Variants in ACSL6 observed in about 807,000 individuals in gnomAD.
ACSL6 encodes the protein long-chain-fatty-acid--CoA ligase 6.
A neutral mutation model predicts 98.2 loss-of-function variants in ACSL6; 47 were observed. The ratio of observed to expected loss-of-function variants is 0.48; its 90% confidence interval spans 0.38 to 0.61. ACSL6 has a LOEUF of 0.61. Ranked by LOEUF, ACSL6 falls within the 20% of genes least tolerant of loss-of-function variation. ACSL6 has a pLI of 0.00. For synonymous variants in ACSL6, 362 were observed against 336.9 expected (o/e 1.07, Z -0.82); for missense variants, 761 against 913.4 (o/e 0.83, Z 2.15).
chr5:131,991,229 C>A (rs554458542), intron 2 of ACSL6, among the ~76,000 whole-genome samples: 151 of 152,320 alleles, frequency 9.9e-4, no homozygotes, highest in African/African-American at 3.6e-3. Context: ...AAACTCCACA[C>A]ACACATACAG....
intron 15 of ACSL6, among the ~76,000 whole-genome samples, chr5:131,968,538 C>T (rs1379617562): frequency 6.6e-6 from 1 of 152,188 alleles, no homozygotes; most frequent in East Asian, 1.9e-4. Context: ...TGAGATTCGA[C>T]ATTTCTTACA....
intron 8 of ACSL6, among the ~76,000 whole-genome samples, chr5:131,986,454 A>C (rs1754181563): frequency 6.6e-6 from 1 of 152,268 alleles, no homozygotes; most frequent in African/African-American, 2.4e-5. Flanking sequence ...AGCAGATGCC[A>C]CAAGGCCATT....
chr5:131,997,579 T>C (rs771325582), intron 1 of ACSL6, among the ~76,000 whole-genome samples: 9 of 152,186 alleles, frequency 5.9e-5, no homozygotes, highest in Non-Finnish European at 1.2e-4. Context: ...GGGCCAGTCA[T>C]TTGCTATCTT....
At chr5:132,006,347 T>TACACAAAG (rs781569650) in intron 1 of ACSL6, 6 of 152,168 alleles carry the variant, frequency 3.9e-5, no homozygotes, top group Non-Finnish European at 8.8e-5. Flanking sequence ...AATTAGGAGC[T>TACACAAAG]ACACAAAGGA....
intron 1 of ACSL6, among the ~76,000 whole-genome samples, chr5:132,010,037 T>A (rs1755625704): frequency 6.6e-6 from 1 of 152,142 alleles, no homozygotes; most frequent in South Asian, 2.1e-4. Context: ...ACGACCACCA[T>A]CACCATTATT....
At chr5:132,004,554 A>G (rs1297493768) in intron 1 of ACSL6, among the ~76,000 whole-genome samples, 1 of 152,204 alleles carries the variant, frequency 6.6e-6, no homozygotes, top group African/African-American at 2.4e-5. Context: ...CGTTTGGGCC[A>G]CACAGTATCT....
chr5:131,974,251 A>G (rs1753485758), intron 11 of ACSL6, among the ~76,000 whole-genome samples: 1 of 152,156 alleles, frequency 6.6e-6, no homozygotes, highest in Admixed American at 6.5e-5. Flanking sequence ...CCATAATCAC[A>G]TATGGATTCC....
intron 1 of ACSL6, among the ~76,000 whole-genome samples, chr5:131,995,377 G>A (rs1421183603): frequency 6.6e-6 from 1 of 152,174 alleles, no homozygotes; most frequent in Non-Finnish European, 1.5e-5. Flanking sequence ...CAGGTGATGG[G>A]TGCTGGCATC....
intron 3 of ACSL6, 46 bp downstream of exon 3, chr5:131,990,807 C>T (rs1754461215): frequency 6.4e-7 from 1 of 1,560,428 alleles, no homozygotes; most frequent in African/African-American, 1.5e-5. Flanking sequence ...CCCACTCCAC[C>T]CCTGCCACAC....
rs1317593983 is a variant in ACSL6 at position 131,952,523 on chromosome 5, G to C, written c.*1711C>G. On this transcript the variant is annotated 3_prime_UTR_variant, in exon 21 of 21. Transcript: ENST00000651883. Reference sequence around the variant, plus strand: ...AAGGAGCTTCTAGACTACAAACACTGAGCACATACATTTTAAATTAACACA... The same window carrying C: ...AAGGAGCTTCTAGACTACAAACACTCAGCACATACATTTTAAATTAACACA... The C allele has an allele frequency of 4.6e-6, 1 of 215,890 alleles. No homozygotes were observed. Among genetic ancestry groups the C allele is most frequent in the Non-Finnish European group, 9.3e-6 (1 of 107,272 alleles). 13.4% of individuals were successfully genotyped at this position (215,890 alleles called of 1,614,324 possible).
Position 131,988,806 on chromosome 5 carries a change from T to G in ACSL6, c.651A>C (p.Thr217=). 6.2e-7 allele frequency: 1 copy of G among 1,613,562 alleles called. No homozygotes were observed. The highest frequency in any genetic ancestry group is 8.5e-7 in the Non-Finnish European group (1 of 1,179,800). ...AGGGTGGGGTGGCAGTGGGCTTACC[T>G]GTATTGATGATGTAGCGGATAGCCC... ...GPGAIRYIIN[T]ADISTVIVDK... The change falls in exon 6 of 21, where the codon ACA becomes ACC. Residue 217 remains threonine, a splice_region_variant and synonymous_variant. Transcript: ENST00000651883.
At chr5:131,965,370 T>A (rs908967775) in intron 17 of ACSL6, among the ~76,000 whole-genome samples, 1 of 152,220 alleles carries the variant, frequency 6.6e-6, no homozygotes, top group Non-Finnish European at 1.5e-5. Context: ...CATAATCTCA[T>A]TTGTTCCTCA....
chr5:131,983,444 A>G (rs1364520727), intron 9 of ACSL6: 1 of 152,250 alleles, frequency 6.6e-6, no homozygotes, highest in African/African-American at 2.4e-5. Flanking sequence ...GCCAAATGTC[A>G]GGTTCAGATC....
chr5:131,970,774 T>C (rs1441805875), intron 14 of ACSL6, among the ~76,000 whole-genome samples: 1 of 152,218 alleles, frequency 6.6e-6, no homozygotes, highest in Non-Finnish European at 1.5e-5. Flanking sequence ...TTTCAACCAC[T>C]GAATCTACTT....
chr5:131,978,684 G>A (rs527851040), intron 9 of ACSL6, among the ~76,000 whole-genome samples: 5 of 152,284 alleles, frequency 3.3e-5, no homozygotes, highest in East Asian at 3.9e-4. Context: ...ACCAGAAAAG[G>A]CACAAGATGC....
At position 131,960,588 on chromosome 5, in the gene ACSL6, C is replaced by A. The variant is rs767702334; in HGVS notation, c.1891G>T (p.Glu631Ter). ...TTCTGGGCCCAGGAGGGCATAACTT[C>A]AGGGTCAGGCACAACAATGCCTACC... ...FLVGIVVPDPEVMPSWAQKRG... is the reference protein window; with the variant it reads ...FLVGIVVPDP The change falls in exon 19 of 21, where the codon GAA becomes TAA. Residue 631 changes from glutamate to a stop codon, truncating the protein, a stop_gained. Transcript: ENST00000651883. LOFTEE classifies it high-confidence loss of function. The A allele has an allele frequency of 1.9e-6, 3 of 1,614,156 alleles. No individual in the cohort carries two copies. Among genetic ancestry groups the A allele is most frequent in the Non-Finnish European group, 2.5e-6 (3 of 1,180,024 alleles).
At chr5:131,964,111 T>G (rs935891670) in intron 17 of ACSL6, among the ~76,000 whole-genome samples, 2 of 152,186 alleles carry the variant, frequency 1.3e-5, no homozygotes, top group African/African-American at 2.4e-5. Flanking sequence ...AATGAATCAT[T>G]CAAAGCTTGA....
upstream of ACSL6, chr5:132,011,891 G>T (rs547570773): frequency 4.7e-5 from 73 of 1,549,398 alleles, no homozygotes; most frequent in East Asian, 1.2e-3. This position sits in a 1 kb window ranked among gnomAD's most constrained non-coding sequence, Gnocchi z 5.4. Context: ...GCCCTCTCCG[G>T]CCCCGCTCTC....
rs1754396620 is a variant in ACSL6, at chr5:131,989,598, T to C, written c.451-90A>G. 137 of 970,986 alleles carry C rather than the reference T, an allele frequency of 1.4e-4. No homozygotes were observed. The East Asian group carries it at 3.7e-3, about 26-fold the overall frequency. 60.1% of individuals were successfully genotyped at this position (970,986 alleles called of 1,614,324 possible). ...AGGAGGAATTCTTTTTTTTTTTTTT[T>C]TTTTTTTTTTTTTTTGAGATGGAGT... On this transcript the variant is annotated intron_variant, in intron 4 of 20. Transcript: ENST00000651883.
Sources: allele counts gnomAD v4.1 joint callset (sites outside exome capture counted in the v4.1 genomes callset), GRCh38; gene constraint gnomAD v4.1.1; non-coding constraint Gnocchi (gnomAD v3.1); transcripts MANE v1.5; gene names NCBI Gene and HGNC (gene_info 2026-07-23, HGNC 2026-07-21).